Variants in GLRA2 observed in about 807,000 individuals in gnomAD.
GLRA2 encodes glycine receptor subunit alpha-2.
A neutral mutation model predicts 31.6 loss-of-function variants in GLRA2; 11 were observed. The observed-to-expected ratio is 0.35, with a 90% CI of 0.22 to 0.58. The LOEUF (loss-of-function observed/expected upper bound fraction) is 0.58, where lower values mean the gene tolerates loss of function less well. Ranked by LOEUF, GLRA2 falls within the 20% of genes least tolerant of loss-of-function variation. GLRA2 has a pLI of 0.84. For synonymous variants in GLRA2, 132 were observed against 134.0 expected (o/e 0.99, Z 0.10); for missense variants, 212 against 351.8 (o/e 0.60, Z 3.18).
chrX:14,468,651 A>C, the GLRA2 span, among the ~76,000 whole-genome samples: 917 of 112,083 alleles, frequency 8.2e-3, 10 homozygotes, highest in African/African-American at 0.028. Flanking sequence ...AAACTTAAAA[A>C]ACTAATATTG....
rs779748372 is a variant in GLRA2 at position 14,618,681 on chromosome X, G to GTT, written c.930+9477_930+9478insTT. ...AGGGTCTTATAAGGCTGAAATCAAA[G>GTT]TGTCAGCTGGGATGAGGTTTTCTTT... On this transcript the variant is annotated intron_variant, in intron 7 of 8. Transcript: ENST00000218075. Among the ~76,000 whole-genome samples, 357 of 111,605 alleles carry GTT rather than the reference G, an allele frequency of 3.2e-3. 1 individual carries two copies. Among genetic ancestry groups the GTT allele is most frequent in the African/African-American group, 0.011 (343 of 30,789 alleles).
the GLRA2 span, among the ~76,000 whole-genome samples, chrX:14,490,474 A>G: frequency 6.8e-4 from 77 of 112,614 alleles, no homozygotes; most frequent in African/African-American, 2.2e-3. Flanking sequence ...TCTGATATGT[A>G]TCTTTTCCTT....
intron 8 of GLRA2, among the ~76,000 whole-genome samples, chrX:14,697,510 T>C (rs983730160): frequency 2.7e-5 from 3 of 111,878 alleles, no homozygotes; most frequent in Middle Eastern, 9.2e-3. Context: ...CTTTTCTTCA[T>C]ATGTTCCAGA....
At chrX:14,518,795 G>A in the GLRA2 span, among the ~76,000 whole-genome samples, 39 of 107,235 alleles carry the variant, frequency 3.6e-4, no homozygotes, top group African/African-American at 1.3e-3. Context: ...CCGATCACGA[G>A]GTCAGGAGAT....
the GLRA2 span, among the ~76,000 whole-genome samples, chrX:14,495,762 AGAATCTAAGGTT>A: frequency 9.1e-6 from 1 of 110,110 alleles, no homozygotes; most frequent in East Asian, 2.9e-4. Context: ...TTTATAGATA[AGAATCTAAGGTT>A]GAGAGAAATT....
intron 4 of GLRA2, among the ~76,000 whole-genome samples, chrX:14,595,153 C>T (rs1200273762): frequency 9.0e-6 from 1 of 111,088 alleles, no homozygotes; most frequent in East Asian, 2.8e-4. Flanking sequence ...GTATGACAGT[C>T]TGCCCTTGGA....
the GLRA2 span, among the ~76,000 whole-genome samples, chrX:14,498,701 G>A: frequency 1.8e-5 from 2 of 110,458 alleles, no homozygotes; most frequent in Non-Finnish European, 3.8e-5. Context: ...TCAAACACTA[G>A]GTCTAATTTA....
the GLRA2 span, among the ~76,000 whole-genome samples, chrX:14,484,904 C>T: frequency 8.9e-6 from 1 of 112,073 alleles, no homozygotes; most frequent in Non-Finnish European, 1.9e-5. Context: ...AAGCTTTCTT[C>T]CAAGGAGTTC....
At chrX:14,662,218 C>A (rs752780781) in intron 7 of GLRA2, among the ~76,000 whole-genome samples, 7 of 109,949 alleles carry the variant, frequency 6.4e-5, no homozygotes, top group Non-Finnish European at 1.3e-4. Context: ...ATTTTCAGAT[C>A]TGTTCCTTTG....
the GLRA2 span, among the ~76,000 whole-genome samples, chrX:14,476,521 G>T: frequency 9.0e-6 from 1 of 111,672 alleles, no homozygotes; most frequent in Non-Finnish European, 1.9e-5. Context: ...GTTCTGTAAA[G>T]TTAGATTATT....
chrX:14,637,331 G>C (rs1424898931), intron 7 of GLRA2, among the ~76,000 whole-genome samples: 1 of 112,288 alleles, frequency 8.9e-6, no homozygotes, highest in African/African-American at 3.2e-5. Flanking sequence ...GAACTATGGG[G>C]GAGGTGGAAT....
At chrX:14,513,074 G>C in the GLRA2 span, among the ~76,000 whole-genome samples, 49 of 111,866 alleles carry the variant, frequency 4.4e-4, no homozygotes, top group Non-Finnish European at 2.4e-4. Flanking sequence ...TAGGCACATA[G>C]ACCAATGCAA....
At position 14,570,833 on chromosome X, in the gene GLRA2, T is replaced by C. The variant is rs144185546; in HGVS notation, c.203-3500T>C. ...CAAAGAAGATACTCTGAGAAAGTGATATATAGCAACAAAGAAGATCAATAT... is the reference window on the plus strand; with the variant it reads ...CAAAGAAGATACTCTGAGAAAGTGACATATAGCAACAAAGAAGATCAATAT... On this transcript the variant is annotated intron_variant, in intron 2 of 8. Transcript: ENST00000218075. Among the ~76,000 whole-genome samples, 971 of 111,926 alleles carry C rather than the reference T, an allele frequency of 8.7e-3. 7 individuals carry two copies. Among genetic ancestry groups the C allele is most frequent in the Non-Finnish European group, 0.014 (746 of 53,165 alleles).
the GLRA2 span, among the ~76,000 whole-genome samples, chrX:14,465,398 CAG>C: frequency 8.9e-6 from 1 of 112,080 alleles, no homozygotes; most frequent in Non-Finnish European, 1.9e-5. Flanking sequence ...CATCTGCAAA[CAG>C]AGACAATTCG....
At chrX:14,589,385 C>T (rs1003885152) in intron 4 of GLRA2, among the ~76,000 whole-genome samples, 23 of 107,533 alleles carry the variant, frequency 2.1e-4, no homozygotes, top group African/African-American at 6.1e-4. Flanking sequence ...TTTGGCAGGG[C>T]GCGGTGGCTC....
chrX:14,461,769 T>G, the GLRA2 span, among the ~76,000 whole-genome samples: 3 of 112,220 alleles, frequency 2.7e-5, no homozygotes, highest in Non-Finnish European at 3.8e-5. Flanking sequence ...ATCTCCTGAA[T>G]AGAGCACACT....
intron 7 of GLRA2, among the ~76,000 whole-genome samples, chrX:14,674,696 C>CT (rs779589308): frequency 1.8e-5 from 2 of 110,654 alleles, no homozygotes; most frequent in African/African-American, 6.6e-5. Flanking sequence ...ATTATTTTTC[C>CT]TTTTTTTTCT....
At chrX:14,625,463 C>T (rs748785736) in intron 7 of GLRA2, among the ~76,000 whole-genome samples, 4 of 111,468 alleles carry the variant, frequency 3.6e-5, no homozygotes, top group East Asian at 5.6e-4. Context: ...TATAATTTGG[C>T]GTGTTTTTGC....
intron 7 of GLRA2, among the ~76,000 whole-genome samples, chrX:14,639,687 T>G (rs1254110360): frequency 8.9e-6 from 1 of 111,853 alleles, no homozygotes; most frequent in African/African-American, 3.2e-5. Flanking sequence ...GTAAAATTTC[T>G]AAATTCTAAC....
Sources: gnomAD v4.1 joint callset for allele counts (sites outside exome capture counted in the v4.1 genomes callset) on GRCh38, gnomAD v4.1.1 for gene constraint, MANE v1.5 for transcripts, NCBI Gene and HGNC (gene_info 2026-07-23, HGNC 2026-07-21) for gene names.